The following FAM228A variants were observed in gnomAD, a reference collection of about 807,000 sequenced individuals.
FAM228A encodes the protein protein FAM228A.
Under a neutral mutation model 18.6 loss-of-function variants are expected in FAM228A, and 13 were observed. The ratio of observed to expected loss-of-function variants is 0.70; its 90% confidence interval spans 0.45 to 1.11. The LOEUF (loss-of-function observed/expected upper bound fraction) is 1.11. FAM228A is among the 50% of genes least tolerant of loss of function. The pLI is 0.00. For synonymous variants in FAM228A, 77 were observed against 86.6 expected (o/e 0.89, Z 0.61); for missense variants, 240 against 242.2 (o/e 0.99, Z 0.06).
Position 24,183,607 on chromosome 2 carries a change from A to C in FAM228A, c.363A>C (p.Lys121Asn), listed in dbSNP as rs753526779. 1.9e-6 allele frequency: 3 copies of C among 1,612,192 alleles called. No individual in the cohort carries two copies. The South Asian group carries it at 3.3e-5, about 18-fold the overall frequency. Residue 121 changes from lysine to asparagine, a missense_variant, in exon 5 of 6, where the codon AAA (lysine) becomes AAC (asparagine). Physicochemically the swap from Lys to Asn is moderately conservative, Grantham distance 94 (BLOSUM62 0). Transcript: ENST00000295150. ...GTGTGATTCCAAAAGAGTGGCATAAAGCCTCTGCAAGAGCCAGGAGTAAAA... is the reference window on the plus strand; with the variant it reads ...GTGTGATTCCAAAAGAGTGGCATAACGCCTCTGCAAGAGCCAGGAGTAAAA... ...SHCVIPKEWH[K>N]ASARARSKTY...
intron 2 of FAM228A, among the ~76,000 whole-genome samples, chr2:24,177,504 A>G (rs541327452): frequency 6.6e-6 from 1 of 151,694 alleles, no homozygotes; most frequent in South Asian, 2.1e-4. Context: ...TAAGCTTTTT[A>G]GTGCTTTAAA....
At chr2:24,185,232 A>T (rs1363310623) in intron 5 of FAM228A, among the ~76,000 whole-genome samples, 1 of 151,962 alleles carries the variant, frequency 6.6e-6, no homozygotes, top group Non-Finnish European at 1.5e-5. Context: ...AATGATACCC[A>T]TTTTCCTCAG....
intron 5 of FAM228A, among the ~76,000 whole-genome samples, chr2:24,187,909 A>G (rs1667987745): frequency 6.6e-6 from 1 of 151,822 alleles, no homozygotes; most frequent in East Asian, 1.9e-4. Context: ...GTTTTATGTG[A>G]TGTTTCTAGA....
chr2:24,175,819 A>G (rs1667672033), intron 2 of FAM228A: 2 of 1,082,438 alleles, frequency 1.8e-6, no homozygotes, highest in South Asian at 3.6e-5. Flanking sequence ...CAGCCACCCC[A>G]GCTCCCCGGC....
At chr2:24,186,544 GT>G (rs1667954026) in intron 5 of FAM228A, among the ~76,000 whole-genome samples, 2 of 151,660 alleles carry the variant, frequency 1.3e-5, no homozygotes, top group South Asian at 4.2e-4. Context: ...TTTGCTATCA[GT>G]TTTTTTTAGA....
intron 5 of FAM228A, chr2:24,188,358 C>G: frequency 1.2e-6 from 1 of 847,838 alleles, no homozygotes; most frequent in Non-Finnish European, 1.4e-6. Flanking sequence ...AAGTATTAAG[C>G]CCAGCATGCA....
chr2:24,190,388 A>C (rs1177461187), intron 5 of FAM228A, 24 bp from the exon 6 acceptor site: 1 of 1,577,068 alleles, frequency 6.3e-7, no homozygotes, highest in Non-Finnish European at 8.6e-7. Flanking sequence ...GAATCGAGAC[A>C]ATTTTTTCTG....
At chr2:24,175,871 A>G in intron 2 of FAM228A, 1 of 1,119,628 alleles carries the variant, frequency 8.9e-7, no homozygotes, top group Non-Finnish European at 1.1e-6. Context: ...TGCATACTTC[A>G]GCGTCTGGTA....
chr2:24,187,081 C>G (rs1214991729), intron 5 of FAM228A, among the ~76,000 whole-genome samples: 5 of 152,222 alleles, frequency 3.3e-5, no homozygotes. Flanking sequence ...CTCTCTCTCT[C>G]TCACTTTACC....
chr2:24,181,073 C>CAA (rs11409408), intron 3 of FAM228A, among the ~76,000 whole-genome samples: 4 of 151,980 alleles, frequency 2.6e-5, no homozygotes, highest in African/African-American at 7.2e-5. Context: ...TTAAAATTAC[C>CAA]AAAAAAAGTA....
chr2:24,177,893 A>G (rs1269887159), intron 3 of FAM228A, 23 bp downstream of exon 3: 7 of 1,511,218 alleles, frequency 4.6e-6, no homozygotes, highest in African/African-American at 2.8e-5. Flanking sequence ...TCCACGCTGC[A>G]TTCTACATAT....
chr2:24,188,047 C>T (rs905968383), intron 5 of FAM228A, among the ~76,000 whole-genome samples: 1 of 140,902 alleles, frequency 7.1e-6, no homozygotes, highest in African/African-American at 2.5e-5. Flanking sequence ...TTCTCCTCTC[C>T]TCTCTTTTGG....
In FAM228A at chr2:24,183,399, T is replaced by A. The variant is rs1252159159; in HGVS notation, c.250+27T>A. On this transcript the variant is annotated intron_variant, in intron 4 of 5. Coordinates refer to ENST00000295150, the MANE Select transcript of FAM228A (RefSeq NM_001040710.3). ...TGCTTTGTGATCACTGGGCCTCATTTTTTTGAGACTGCTAATTGTCCAGTG... is the reference window on the plus strand; with the variant it reads ...TGCTTTGTGATCACTGGGCCTCATTATTTTGAGACTGCTAATTGTCCAGTG... The A allele has an allele frequency of 1.9e-6, 3 of 1,610,452 alleles. No individual in the cohort carries two copies. The African/African-American group carries it at 4.0e-5, about 22-fold the overall frequency.
chr2:24,188,661 A>G lies in FAM228A; in HGVS notation c.402-1751A>G, dbSNP rs1043587936. 18 of 985,224 alleles carry G rather than the reference A, an allele frequency of 1.8e-5. No homozygotes were observed. The African/African-American group carries it at 3.0e-4, about 16-fold the overall frequency. 61.0% of individuals were successfully genotyped at this position (985,224 alleles called of 1,614,324 possible). On this transcript the variant is annotated intron_variant, in intron 5 of 5. Coordinates refer to ENST00000295150, the MANE Select transcript of FAM228A (RefSeq NM_001040710.3). Reference sequence around the variant, plus strand: ...TGGTACTTAATATTGGTGACCTGGTACTTGAAATGCTCCCACAGAGGAAGG... The same window carrying G: ...TGGTACTTAATATTGGTGACCTGGTGCTTGAAATGCTCCCACAGAGGAAGG...
chr2:24,190,115 C>T (rs1668044894), intron 5 of FAM228A, among the ~76,000 whole-genome samples: 1 of 152,182 alleles, frequency 6.6e-6, no homozygotes, highest in Non-Finnish European at 1.5e-5. Flanking sequence ...GGTTTGAGCA[C>T]TCAGAGGCTG....
intron 5 of FAM228A, 72 bp from the exon 6 acceptor site, chr2:24,190,340 C>A (rs1001469808): frequency 6.8e-7 from 1 of 1,467,204 alleles, no homozygotes; most frequent in Non-Finnish European, 9.0e-7. Context: ...TTGCATTAAT[C>A]TTCGGAAACT....
Position 24,175,572 on chromosome 2 carries a change from A to C in FAM228A, c.92A>C (p.Glu31Ala). The change falls in exon 2 of 6, where the codon GAG (glutamate) becomes GCG (alanine). Residue 31 changes from glutamate to alanine, a missense_variant and splice_region_variant. Physicochemically the swap from Glu to Ala is moderately radical, Grantham distance 107. Transcript: ENST00000295150. ...WPEPESVSLM[E>A]VLAREDIDEA... ...GAGCCCGAGTCCGTTTCTTTAATGG[A>C]GGTGAGATAACGTGGCGTTTTGAGA... 1 of 1,610,658 alleles carries C rather than the reference A, an allele frequency of 6.2e-7. No individual in the cohort carries two copies. The highest frequency in any genetic ancestry group is 8.5e-7 in the Non-Finnish European group (1 of 1,176,798).
At chr2:24,189,531 G>A (rs1668032445) in intron 5 of FAM228A, among the ~76,000 whole-genome samples, 1 of 152,098 alleles carries the variant, frequency 6.6e-6, no homozygotes, top group Non-Finnish European at 1.5e-5. Flanking sequence ...AGCCCCTTGA[G>A]GGCAGGGACT....
chr2:24,180,472 AT>A (rs1199446075), intron 3 of FAM228A, among the ~76,000 whole-genome samples: 1 of 152,104 alleles, frequency 6.6e-6, no homozygotes, highest in Non-Finnish European at 1.5e-5. Flanking sequence ...ATATTAGAAC[AT>A]TTAAGTATAT....
Sources: gnomAD v4.1 joint callset for allele counts (sites outside exome capture counted in the v4.1 genomes callset) on GRCh38, gnomAD v4.1.1 for gene constraint, MANE v1.5 for transcripts, NCBI Gene and HGNC (gene_info 2026-07-23, HGNC 2026-07-21) for gene names.